The following EIF1 variants were observed in gnomAD, a reference collection of about 807,000 sequenced individuals.
EIF1 encodes the protein protein translation factor SUI1 homolog.
Under a neutral mutation model 13.7 loss-of-function variants are expected in EIF1, and 4 were observed. That is an observed-to-expected ratio of 0.29 (90% CI 0.14 to 0.67). The LOEUF (loss-of-function observed/expected upper bound fraction) is 0.67. EIF1 is among the 30% of genes least tolerant of loss of function. The pLI, the probability that EIF1 is intolerant of heterozygous loss-of-function variation, is 0.77. For missense variants in EIF1, 64 were observed against 138.0 expected, an observed-to-expected ratio of 0.46 and a Z score of 2.69; for synonymous variants, 67 against 50.7, an observed-to-expected ratio of 1.32 and a Z score of -1.37.
intron 1 of EIF1, 82 bp from the exon 2 acceptor site, chr17:41,689,696 G>A: frequency 7.1e-7 from 1 of 1,417,012 alleles, no homozygotes; most frequent in Non-Finnish European, 9.5e-7. Context: ...TTTTCTGCAC[G>A]CGCAAAACAC....
At chr17:41,689,198 C>A in intron 1 of EIF1, 129 bp downstream of exon 1, 4 of 1,097,906 alleles carry the variant, frequency 3.6e-6, no homozygotes, top group Non-Finnish European at 4.0e-6. Context: ...TGACCAGGGT[C>A]GCAGGGCAGC....
At chr17:41,690,536 C>A (rs1201551495) in intron 3 of EIF1, 2 of 571,422 alleles carry the variant, frequency 3.5e-6, no homozygotes, top group African/African-American at 1.9e-5. Context: ...ACATGATCAG[C>A]TCTTGATATA....
At chr17:41,689,449 G>T in intron 1 of EIF1, 1 of 472,326 alleles carries the variant, frequency 2.1e-6, no homozygotes, top group Admixed American at 3.9e-5. Context: ...GTGCACCAAT[G>T]GGGGTGGGAG....
At position 41,688,921 on chromosome 17, in the gene EIF1, C is replaced by CGGGGGG. The variant is rs1910276556; in HGVS notation, c.-118_-117insGGGGGG. ...TGAGCCGCCGCCGAGGATTCAGCAG[C>CGGGGGG]CTCCCCCTTGAGCCCCCTCGCTTCC... is the stretch of plus-strand genomic sequence containing the variant. On this transcript the variant is annotated 5_prime_UTR_variant, in exon 1 of 4. Coordinates refer to ENST00000469257, the MANE Select transcript of EIF1 (RefSeq NM_005801.4). 3 of 1,027,304 alleles carry CGGGGGG rather than the reference C, an allele frequency of 2.9e-6. No individual in the cohort carries two copies. The African/African-American group carries it at 4.7e-5, about 16-fold the overall frequency. The allele number at this position is 1,027,304 out of a possible 1,614,324, so 63.6% of individuals were successfully genotyped here.
intron 3 of EIF1, 200 bp from the exon 4 acceptor site, chr17:41,690,582 C>T: frequency 3.4e-6 from 2 of 593,688 alleles, no homozygotes; most frequent in East Asian, 5.5e-5. Flanking sequence ...GAGTCTCATT[C>T]TCACACTAAT....
chr17:41,690,267 A>T (rs1191457081), intron 3 of EIF1, 78 bp downstream of exon 3: 1 of 1,325,786 alleles, frequency 7.5e-7, no homozygotes, highest in African/African-American at 1.5e-5. Context: ...TGCTGGGGAC[A>T]TAAAAGTTGG....
rs1443090825 is a variant in EIF1, at chr17:41,692,441, T to C, written c.*1615T>C. 6.6e-6 allele frequency: 1 copy of C among 152,132 alleles called. No individual in the cohort carries two copies. The highest frequency in any genetic ancestry group is 1.5e-5 in the Non-Finnish European group (1 of 67,982). The allele number at this position is 152,132 out of a possible 1,614,324, so 9.4% of individuals were successfully genotyped here. A position where few individuals can be genotyped will look rare whatever the true frequency, so the allele number is the denominator to read the frequency against. ...AAGTTCTGTTCCTGGGTCCATTAATTTAGTTAAAAAGGCAAAGTTCTTTCA... is the reference window on the plus strand; with the variant it reads ...AAGTTCTGTTCCTGGGTCCATTAATCTAGTTAAAAAGGCAAAGTTCTTTCA... On this transcript the variant is annotated 3_prime_UTR_variant, in exon 4 of 4. Coordinates refer to ENST00000469257, the MANE Select transcript of EIF1 (RefSeq NM_005801.4).
chr17:41,689,997 G>A, intron 2 of EIF1, 56 bp downstream of exon 2: 1 of 1,611,378 alleles, frequency 6.2e-7, no homozygotes. Context: ...ACAAGGGGGT[G>A]CCAGCTGTGT....
chr17:41,690,012 T>C, intron 2 of EIF1, 71 bp downstream of exon 2: 2 of 1,611,726 alleles, frequency 1.2e-6, no homozygotes, highest in Non-Finnish European at 8.5e-7. Context: ...CTGTGTTGTA[T>C]GTATTGTTAG....
chr17:41,689,973 T>C, intron 2 of EIF1, 32 bp downstream of exon 2: 2 of 1,611,446 alleles, frequency 1.2e-6, no homozygotes, highest in East Asian at 4.5e-5. Context: ...GGGAAAGTCA[T>C]AATGGATTTG....
At chr17:41,689,726 CA>C (rs1910317395) in intron 1 of EIF1, 51 bp from the exon 2 acceptor site, 1 of 1,521,182 alleles carries the variant, frequency 6.6e-7, no homozygotes, top group Non-Finnish European at 8.8e-7. Flanking sequence ...GAGGGGATGG[CA>C]GTGGCATCCT....
In EIF1 at chr17:41,691,348, A is replaced by T. The variant is rs558883357; in HGVS notation, c.*522A>T. On this transcript the variant is annotated 3_prime_UTR_variant, in exon 4 of 4. Transcript: ENST00000469257. ...AGGCCCTCTTACCGCTAGCGAGGTG[A>T]TAGGACATCTGGCTTGCCACAAAGG... 2 of 183,910 alleles carry T rather than the reference A, an allele frequency of 1.1e-5. No homozygotes were observed. Among genetic ancestry groups the T allele is most frequent in the Admixed American group, 6.1e-5 (1 of 16,316 alleles). 11.4% of individuals were successfully genotyped at this position (183,910 alleles called of 1,614,324 possible).
At chr17:41,690,677 C>A in intron 3 of EIF1, 105 bp from the exon 4 acceptor site, 1 of 1,294,032 alleles carries the variant, frequency 7.7e-7, no homozygotes, top group Non-Finnish European at 1.1e-6. Context: ...GCACCCCTGG[C>A]TCTTGGGCAG....
intron 1 of EIF1, 192 bp downstream of exon 1, chr17:41,689,261 A>G (rs537830970): frequency 1.5e-6 from 1 of 658,664 alleles, no homozygotes; most frequent in Non-Finnish European, 2.6e-6. Flanking sequence ...CGGAAGGAGC[A>G]GGCGGTAGGT....
Position 41,692,434 on chromosome 17 carries a change from C to G in EIF1, c.*1608C>G, listed in dbSNP as rs1910411520. The G allele has an allele frequency of 1.3e-5, 2 of 152,112 alleles. No homozygotes were observed. The highest frequency in any genetic ancestry group is 1.3e-4 in the Admixed American group (2 of 15,262). 9.4% of individuals were successfully genotyped at this position (152,112 alleles called of 1,614,324 possible). On this transcript the variant is annotated 3_prime_UTR_variant, in exon 4 of 4. Coordinates refer to ENST00000469257, the MANE Select transcript of EIF1 (RefSeq NM_005801.4). ...AAAGACCAAGTTCTGTTCCTGGGTC[C>G]ATTAATTTAGTTAAAAAGGCAAAGT...
rs945321955 is a variant in EIF1 at position 41,691,024 on chromosome 17, A to C, written c.*198A>C. The C allele has an allele frequency of 3.3e-6, 2 of 602,962 alleles. No individual in the cohort carries two copies. The highest frequency in any genetic ancestry group is 5.9e-5 in the Admixed American group (2 of 33,754). The allele number at this position is 602,962 out of a possible 1,614,324, so 37.4% of individuals were successfully genotyped here. A position where few individuals can be genotyped will look rare whatever the true frequency, so the allele number is the denominator to read the frequency against. On this transcript the variant is annotated 3_prime_UTR_variant, in exon 4 of 4. Transcript: ENST00000469257. ...ATGCTGTCTAGTCTTGAAGTCCCTC[A>C]TTTAAACAGAGGTCAAGCAATAGGC...
intron 3 of EIF1, chr17:41,690,445 A>G (rs930980239): frequency 1.8e-6 from 1 of 554,674 alleles, no homozygotes; most frequent in Non-Finnish European, 3.2e-6. Flanking sequence ...AAAATAAGCC[A>G]AATGCTGGGT....
At chr17:41,689,354 T>A (rs1910297499) in intron 1 of EIF1, 2 of 561,130 alleles carry the variant, frequency 3.6e-6, no homozygotes, top group East Asian at 6.1e-5. Context: ...GCCCCTCCCG[T>A]CACCATTGCG....
chr17:41,689,699 C>G, intron 1 of EIF1, 79 bp from the exon 2 acceptor site: 2 of 1,442,720 alleles, frequency 1.4e-6, no homozygotes, highest in South Asian at 2.8e-5. Flanking sequence ...TCTGCACGCG[C>G]AAAACACCTG....
Sources: gnomAD v4.1 joint callset for allele counts on GRCh38, gnomAD v4.1.1 for gene constraint, MANE v1.5 for transcripts, NCBI Gene and HGNC (gene_info 2026-07-23, HGNC 2026-07-21) for gene names.